The following TMC1 variants were observed in gnomAD, a reference collection of about 807,000 sequenced individuals.
TMC1 encodes transmembrane channel like 1, also known as transmembrane channel-like protein 1.
A neutral mutation model predicts 105.8 loss-of-function variants in TMC1; 84 were observed. That is an observed-to-expected ratio of 0.79 (90% CI 0.67 to 0.95). The LOEUF (loss-of-function observed/expected upper bound fraction) is 0.95, where lower values mean the gene tolerates loss of function less well. TMC1 is among the 40% of genes least tolerant of loss of function. The pLI, the probability that TMC1 is intolerant of heterozygous loss-of-function variation, is 0.00. For missense variants in TMC1, 817 were observed against 914.1 expected (o/e 0.89, Z 1.37); for synonymous variants, 315 against 311.5 (o/e 1.01, Z -0.12).
chr9:72,606,061 A>G (rs1564439873), intron 2 of TMC1, among the ~76,000 whole-genome samples: 2 of 152,072 alleles, frequency 1.3e-5, no homozygotes. Flanking sequence ...ATGTCAACAT[A>G]TGAATTTGAG....
At chr9:72,808,060 G>C (rs1406935685) in intron 18 of TMC1, among the ~76,000 whole-genome samples, 1 of 152,168 alleles carries the variant, frequency 6.6e-6, no homozygotes, top group East Asian at 1.9e-4. Context: ...AATATGACCT[G>C]GGGGGTTGGT....
intron 5 of TMC1, among the ~76,000 whole-genome samples, chr9:72,679,878 T>C (rs1341556079): frequency 1.3e-5 from 2 of 152,080 alleles, no homozygotes; most frequent in African/African-American, 2.4e-5. Flanking sequence ...ACAGAGGTCT[T>C]ATCAGATAAA....
At chr9:72,803,783 G>A (rs543774244) in intron 17 of TMC1, among the ~76,000 whole-genome samples, 1 of 152,296 alleles carries the variant, frequency 6.6e-6, no homozygotes, top group East Asian at 1.9e-4. Flanking sequence ...CACAGTTAGT[G>A]GGAATGTAAA....
chr9:72,550,986 A>G (rs1206018686), intron 1 of TMC1, among the ~76,000 whole-genome samples: 1 of 152,210 alleles, frequency 6.6e-6, no homozygotes, highest in Non-Finnish European at 1.5e-5. Flanking sequence ...GGGAGTTGAG[A>G]TCAGTCAGAT....
At chr9:72,653,670 T>C (rs569581091) in intron 5 of TMC1, among the ~76,000 whole-genome samples, 1 of 152,258 alleles carries the variant, frequency 6.6e-6, no homozygotes, top group South Asian at 2.1e-4. Context: ...TTGACAAGTT[T>C]TGACAAATGT....
At chr9:72,593,961 A>T (rs1389905001) in intron 2 of TMC1, among the ~76,000 whole-genome samples, 1 of 152,130 alleles carries the variant, frequency 6.6e-6, no homozygotes, top group South Asian at 2.1e-4. Flanking sequence ...TGGTAGGGGC[A>T]GGGGCTGCAT....
At chr9:72,633,476 T>C (rs1825482858) in intron 4 of TMC1, among the ~76,000 whole-genome samples, 1 of 152,148 alleles carries the variant, frequency 6.6e-6, no homozygotes, top group African/African-American at 2.4e-5. Context: ...CCCATGCCTG[T>C]CAAGTCATAG....
At chr9:72,606,857 C>T (rs1429995172) in intron 2 of TMC1, among the ~76,000 whole-genome samples, 1 of 152,044 alleles carries the variant, frequency 6.6e-6, no homozygotes, top group Non-Finnish European at 1.5e-5. Flanking sequence ...TATTCAATCT[C>T]TCTGTTCCCT....
At chr9:72,797,739 A>G (rs1828396236) in intron 17 of TMC1, among the ~76,000 whole-genome samples, 1 of 152,234 alleles carries the variant, frequency 6.6e-6, no homozygotes, top group Non-Finnish European at 1.5e-5. Flanking sequence ...AAAGGCTTAA[A>G]TGTAAAACCC....
intron 17 of TMC1, among the ~76,000 whole-genome samples, chr9:72,799,983 AAGG>A (rs1356681586): frequency 6.6e-6 from 1 of 152,110 alleles, no homozygotes; most frequent in East Asian, 1.9e-4. Context: ...AAGATGGAGG[AAGG>A]AGATTAAGAG....
chr9:72,618,399 A>G (rs2132125325), intron 3 of TMC1, among the ~76,000 whole-genome samples: 1 of 152,308 alleles, frequency 6.6e-6, no homozygotes, highest in African/African-American at 2.4e-5. Flanking sequence ...AATAGAATAA[A>G]AAAGGAACAA....
chr9:72,537,082 G>A (rs574805029), intron 1 of TMC1, among the ~76,000 whole-genome samples: 1 of 152,348 alleles, frequency 6.6e-6, no homozygotes, highest in East Asian at 1.9e-4. Flanking sequence ...CACCTAAGCA[G>A]TGGCTCAAAC....
intron 4 of TMC1, among the ~76,000 whole-genome samples, chr9:72,634,844 C>A (rs1825506698): frequency 6.6e-6 from 1 of 152,176 alleles, no homozygotes; most frequent in African/African-American, 2.4e-5. Flanking sequence ...TCAGGAAGAG[C>A]CAGATGGAAG....
chr9:72,808,740 T>A (rs553795448), intron 18 of TMC1: 57 of 152,322 alleles, frequency 3.7e-4, no homozygotes, highest in African/African-American at 1.4e-3. Context: ...TGTTTTTGAG[T>A]TATTGAGCCA....
chr9:72,619,174 GC>G lies in TMC1; in HGVS notation c.-196+2702del, dbSNP rs561274560. On this transcript the variant is annotated intron_variant, in intron 3 of 23. Coordinates refer to ENST00000297784, the MANE Select transcript of TMC1 (RefSeq NM_138691.3). Reference sequence around the variant, plus strand: ...AGAACTCAGGAGCCACCATGAAGAGGCCCCCAGTGTCCAGAAATGGAATAAT... The same window carrying G: ...AGAACTCAGGAGCCACCATGAAGAGGCCCCAGTGTCCAGAAATGGAATAAT... Among the ~76,000 whole-genome samples the G allele has an allele frequency of 4.2e-3, 639 of 152,192 alleles. 5 individuals carry two copies. The highest frequency in any genetic ancestry group is 0.015 in the African/African-American group (613 of 41,528).
intron 1 of TMC1, among the ~76,000 whole-genome samples, chr9:72,555,750 A>G (rs1350311184): frequency 6.6e-6 from 1 of 151,624 alleles, no homozygotes; most frequent in African/African-American, 2.4e-5. Context: ...CCTCCCGAGT[A>G]GCTGGGATTA....
chr9:72,600,829 G>A (rs562242827), intron 2 of TMC1, among the ~76,000 whole-genome samples: 1 of 152,278 alleles, frequency 6.6e-6, no homozygotes, highest in South Asian at 2.1e-4. Flanking sequence ...CATCATGTGC[G>A]CTTGTTAAAC....
chr9:72,683,733 T>TTATATATATATATATATATA lies in TMC1; in HGVS notation c.17-4954_17-4935dup, dbSNP rs58007608. 6.7e-4 allele frequency among the ~76,000 whole-genome samples: 36 copies of TTATATATATATATATATATA among 53,378 alleles called. 1 individual carries two copies. Among genetic ancestry groups the TTATATATATATATATATATA allele is most frequent in the Admixed American group, 1.2e-3 (4 of 3,314 alleles). 35.0% of individuals were successfully genotyped at this position (53,378 alleles called of 152,430 possible). ...TCTGAGTTAACCTGAGTTACACATT[T>TTATATATATATATATATATA]TATATATATATATATATATATATAT... is the stretch of plus-strand genomic sequence containing the variant. On this transcript the variant is annotated intron_variant, in intron 5 of 23. Coordinates refer to ENST00000297784, the MANE Select transcript of TMC1 (RefSeq NM_138691.3).
chr9:72,673,456 T>C (rs1420771830), intron 5 of TMC1, among the ~76,000 whole-genome samples: 2 of 152,116 alleles, frequency 1.3e-5, no homozygotes, highest in Non-Finnish European at 2.9e-5. Flanking sequence ...AAACCACTGG[T>C]CAAGACTGAT....
Sources: gnomAD v4.1 joint callset for allele counts (sites outside exome capture counted in the v4.1 genomes callset) on GRCh38, gnomAD v4.1.1 for gene constraint, MANE v1.5 for transcripts, NCBI Gene and HGNC (gene_info 2026-07-23, HGNC 2026-07-21) for gene names.